The following NUP210L variants were observed in gnomAD, a reference collection of about 807,000 sequenced individuals.
NUP210L encodes nucleoporin 210 like.
Under a neutral mutation model 208.5 loss-of-function variants are expected in NUP210L, and 74 were observed. That is an observed-to-expected ratio of 0.35 (90% CI 0.29 to 0.43). NUP210L has a LOEUF of 0.43. Among genes scored for constraint, NUP210L ranks in the 20% least tolerant of loss-of-function variants. The probability of loss-of-function intolerance (pLI) is 1.00; values close to 1 mark genes in which losing one functional copy is unlikely to be tolerated. For missense variants in NUP210L, 1,843 were observed against 2,289.4 expected (o/e 0.81, Z 3.98); for synonymous variants, 780 against 816.9 (o/e 0.95, Z 0.77).
At chr1:154,017,214 G>C (rs1292549975) in intron 33 of NUP210L, among the ~76,000 whole-genome samples, 1 of 150,898 alleles carries the variant, frequency 6.6e-6, no homozygotes, top group African/African-American at 2.4e-5. Context: ...TCAGGAGGCA[G>C]ATGTTGCAGT....
intron 13 of NUP210L, among the ~76,000 whole-genome samples, chr1:154,103,381 C>A (rs1469155292): frequency 8.3e-6 from 1 of 120,544 alleles, no homozygotes; most frequent in African/African-American, 3.2e-5. Flanking sequence ...GCAACAAAAG[C>A]GAGACACTGG....
chr1:154,028,177 A>T (rs928554667), intron 28 of NUP210L, among the ~76,000 whole-genome samples: 1 of 152,230 alleles, frequency 6.6e-6, no homozygotes, highest in South Asian at 2.1e-4. Context: ...TTTGAATTCT[A>T]AAAACAACAG....
At position 154,019,198 on chromosome 1, in the gene NUP210L, T is replaced by A. The variant is rs1651422066; in HGVS notation, c.4517-129A>T. 4 of 814,478 alleles carry A rather than the reference T, an allele frequency of 4.9e-6. No homozygotes were observed. In the East Asian group the frequency reaches 1.1e-4, roughly 22 times the overall value. The allele number at this position is 814,478 out of a possible 1,614,324, so 50.5% of individuals were successfully genotyped here. A position where few individuals can be genotyped will look rare whatever the true frequency, so the allele number is the denominator to read the frequency against. On this transcript the variant is annotated intron_variant, in intron 32 of 39. Transcript: ENST00000368559. ...TCTTCCCAGGAGAAACAGCCAGCTT[T>A]GAAGATAACTGTTTTCTCAGTGTCA... is the stretch of plus-strand genomic sequence containing the variant.
At chr1:154,150,982 T>C (rs1191607470) in intron 2 of NUP210L, among the ~76,000 whole-genome samples, 1 of 152,174 alleles carries the variant, frequency 6.6e-6, no homozygotes, top group Non-Finnish European at 1.5e-5. Flanking sequence ...ATGTACACAA[T>C]TGTATTAATA....
chr1:153,998,171 A>G (rs930083200), intron 37 of NUP210L, among the ~76,000 whole-genome samples: 13 of 152,178 alleles, frequency 8.5e-5, no homozygotes, highest in Non-Finnish European at 1.5e-4. Flanking sequence ...TTGGTGACAA[A>G]AGCACACAAT....
At chr1:154,124,206 A>AAG (rs58306337) in intron 10 of NUP210L, among the ~76,000 whole-genome samples, 12 of 150,662 alleles carry the variant, frequency 8.0e-5, no homozygotes, top group South Asian at 2.1e-4. Context: ...AAAAAAAAAA[A>AAG]AGAGAGAGAG....
At chr1:154,106,327 C>T (rs1278582620) in intron 12 of NUP210L, among the ~76,000 whole-genome samples, 2 of 152,058 alleles carry the variant, frequency 1.3e-5, no homozygotes, top group Non-Finnish European at 2.9e-5. Context: ...TGGGTGCCAG[C>T]TTAGTCGCAG....
At chr1:154,068,085 G>GA (rs1654507808) in intron 17 of NUP210L, among the ~76,000 whole-genome samples, 1 of 151,304 alleles carries the variant, frequency 6.6e-6, no homozygotes, top group Non-Finnish European at 1.5e-5. Context: ...CACAGAATTG[G>GA]AAAAGTTCAT....
At chr1:154,011,852 A>G (rs1438806229) in intron 34 of NUP210L, among the ~76,000 whole-genome samples, 4 of 151,524 alleles carry the variant, frequency 2.6e-5, no homozygotes, top group Non-Finnish European at 4.4e-5. Flanking sequence ...ACACCCAGCT[A>G]GTTTTTGTAT....
chr1:154,129,610 T>G (rs183416987), intron 7 of NUP210L, among the ~76,000 whole-genome samples: 1 of 152,348 alleles, frequency 6.6e-6, no homozygotes, highest in East Asian at 1.9e-4. Context: ...CTTTGTGCTT[T>G]TAATATTAAC....
At chr1:154,112,352 G>A (rs552071122) in intron 12 of NUP210L, among the ~76,000 whole-genome samples, 48 of 152,216 alleles carry the variant, frequency 3.2e-4, no homozygotes, top group African/African-American at 1.1e-3. Flanking sequence ...GCTGCAGTGA[G>A]TCATGTTCCT....
chr1:154,125,697 GGA>G, intron 10 of NUP210L, among the ~76,000 whole-genome samples: 1 of 22,454 alleles, frequency 4.5e-5, no homozygotes, highest in Non-Finnish European at 1.2e-4. Flanking sequence ...AAGGAAGGAA[GGA>G]AGGAAGGAAG....
rs1652169215 is a variant in NUP210L, at chr1:154,030,702, C to A, written c.3697-648G>T. Among the ~76,000 whole-genome samples the A allele has an allele frequency of 4.6e-5, 7 of 152,094 alleles. No homozygotes were observed. In the South Asian group the frequency reaches 1.5e-3, roughly 32 times the overall value. Reference sequence around the variant, plus strand: ...ATCACATCAGGGTAAGTGGGGTATGCATCACCTCAAGCACACTTTAAGTTG... The same window carrying A: ...ATCACATCAGGGTAAGTGGGGTATGAATCACCTCAAGCACACTTTAAGTTG... On this transcript the variant is annotated intron_variant, in intron 27 of 39. Coordinates refer to ENST00000368559, the Ensembl canonical transcript of NUP210L.
chr1:154,006,966 A>ATTTTTTTT (rs1196661554), intron 35 of NUP210L, among the ~76,000 whole-genome samples: 6 of 115,810 alleles, frequency 5.2e-5, no homozygotes, highest in African/African-American at 2.0e-4. Context: ...ATATATATAT[A>ATTTTTTTT]TTTTTTTTTT....
intron 3 of NUP210L, among the ~76,000 whole-genome samples, chr1:154,141,872 A>T (rs1658866546): frequency 6.6e-6 from 1 of 152,118 alleles, no homozygotes; most frequent in African/African-American, 2.4e-5. Context: ...TTTTGTAAAA[A>T]CTTTCCAGGC....
intron 16 of NUP210L, among the ~76,000 whole-genome samples, chr1:154,073,407 T>C (rs189347412): frequency 3.3e-5 from 5 of 152,146 alleles, no homozygotes; most frequent in Admixed American, 3.3e-4. Context: ...GCACCTGTAG[T>C]CGCAGCTACT....
chr1:154,123,069 A>T (rs66600713), intron 10 of NUP210L, among the ~76,000 whole-genome samples: 61,645 of 142,460 alleles, frequency 0.43, 14,548 homozygotes, highest in Admixed American at 0.58. Context: ...AAAAAAAAAA[A>T]CCACAAAAAA....
chr1:154,134,951 T>C (rs1472913868), intron 7 of NUP210L, among the ~76,000 whole-genome samples: 1 of 151,630 alleles, frequency 6.6e-6, no homozygotes, highest in African/African-American at 2.4e-5. Flanking sequence ...TTGGTCAAGC[T>C]GTTCTCAAAC....
chr1:154,061,601 C>A (rs751853506), exon 18 of NUP210L: 2 of 1,589,388 alleles, frequency 1.3e-6, no homozygotes, highest in Non-Finnish European at 1.7e-6. Context: ...GGCTTTTCTT[C>A]TCTGAATAGC....
Sources: gnomAD v4.1 joint callset for allele counts (sites outside exome capture counted in the v4.1 genomes callset) on GRCh38, gnomAD v4.1.1 for gene constraint, MANE v1.5 for transcripts, NCBI Gene and HGNC (gene_info 2026-07-23, HGNC 2026-07-21) for gene names.